The following AKT3 variants were observed in gnomAD, a reference collection of about 807,000 sequenced individuals.
The protein encoded by AKT3 is RAC-gamma serine/threonine-protein kinase.
AKT3 carries 15 observed loss-of-function variants against 65.3 expected under a neutral mutation model. That is an observed-to-expected ratio of 0.23 (90% CI 0.15 to 0.35). The LOEUF is 0.35. AKT3 is among the 10% of genes least tolerant of loss of function. The pLI, the probability that AKT3 is intolerant of heterozygous loss-of-function variation, is 1.00. For missense variants in AKT3, 243 were observed against 576.5 expected (o/e 0.42, Z 5.92); for synonymous variants, 206 against 183.8 (o/e 1.12, Z -0.98).
intron 13 of AKT3, among the ~76,000 whole-genome samples, chr1:243,509,671 T>C (rs1669900315): frequency 6.6e-6 from 1 of 151,684 alleles, no homozygotes; most frequent in South Asian, 2.1e-4. Context: ...GGGCCTATCA[T>C]CCCCCTAAAT....
chr1:243,812,730 T>C (rs949487192), intron 2 of AKT3, among the ~76,000 whole-genome samples: 8 of 152,080 alleles, frequency 5.3e-5, no homozygotes, highest in Non-Finnish European at 1.0e-4. Flanking sequence ...CGTATGTTTA[T>C]TGCGACACTA....
intron 11 of AKT3, among the ~76,000 whole-genome samples, chr1:243,549,177 T>G (rs1487975857): frequency 6.6e-6 from 1 of 152,198 alleles, no homozygotes; most frequent in East Asian, 1.9e-4. Flanking sequence ...TATTTCCAGC[T>G]GCTCACTTGA....
intron 2 of AKT3, among the ~76,000 whole-genome samples, chr1:243,770,567 A>G (rs534203216): frequency 6.6e-6 from 1 of 152,238 alleles, no homozygotes; most frequent in South Asian, 2.1e-4. Context: ...TGTAAGCTCA[A>G]TCAGAGTGGA....
chr1:243,515,781 G>A (rs1670312233), intron 12 of AKT3, among the ~76,000 whole-genome samples: 1 of 152,112 alleles, frequency 6.6e-6, no homozygotes, highest in African/African-American at 2.4e-5. Context: ...ACCAGGTCAG[G>A]AGATCAAGAC....
intron 9 of AKT3, among the ~76,000 whole-genome samples, chr1:243,565,693 G>A (rs1024269557): frequency 6.6e-6 from 1 of 152,022 alleles, no homozygotes; most frequent in African/African-American, 2.4e-5. Context: ...TTCTCTTTCT[G>A]CCTTGGTCTG....
intron 10 of AKT3, among the ~76,000 whole-genome samples, chr1:243,556,057 C>T (rs1423702718): frequency 6.6e-6 from 1 of 152,010 alleles, no homozygotes; most frequent in Non-Finnish European, 1.5e-5. Flanking sequence ...TGAGAGGTCA[C>T]ATCAAATGAA....
chr1:243,505,911 C>CA (rs1669637190), intron 13 of AKT3, among the ~76,000 whole-genome samples: 1 of 152,246 alleles, frequency 6.6e-6, no homozygotes, highest in Non-Finnish European at 1.5e-5. Context: ...AGGATGTCAA[C>CA]ATCTGAGTCC....
chr1:243,843,554 G>C (rs1375175191), intron 1 of AKT3: 34 of 1,038,006 alleles, frequency 3.3e-5, no homozygotes, highest in Non-Finnish European at 3.9e-5. Flanking sequence ...CCAAATAATA[G>C]AGAAAATTTG....
chr1:243,828,594 G>A (rs1449839027), intron 2 of AKT3, among the ~76,000 whole-genome samples: 1 of 152,092 alleles, frequency 6.6e-6, no homozygotes, highest in African/African-American at 2.4e-5. Context: ...AGACCTTTAT[G>A]ATGATCCACT....
intron 8 of AKT3, among the ~76,000 whole-genome samples, chr1:243,599,722 A>C (rs1032130393): frequency 2.0e-5 from 3 of 152,162 alleles, no homozygotes; most frequent in Admixed American, 1.3e-4. Flanking sequence ...TACAGCTAAC[A>C]ACATGGTTAA....
intron 2 of AKT3, among the ~76,000 whole-genome samples, chr1:243,724,756 G>C (rs1687108807): frequency 6.6e-6 from 1 of 152,018 alleles, no homozygotes; most frequent in African/African-American, 2.4e-5. Context: ...TCTCCTGGGA[G>C]AAAAAACTGA....
chr1:243,561,608 C>T (rs182249562), intron 10 of AKT3, among the ~76,000 whole-genome samples: 1 of 152,248 alleles, frequency 6.6e-6, no homozygotes, highest in Admixed American at 6.6e-5. Context: ...AGCTGTAATG[C>T]ACTTACACAG....
At chr1:243,846,727 G>C (rs1463593244) in intron 1 of AKT3, among the ~76,000 whole-genome samples, 1 of 152,126 alleles carries the variant, frequency 6.6e-6, no homozygotes, top group Non-Finnish European at 1.5e-5. Flanking sequence ...GGAAATTATT[G>C]TACCAAATTT....
chr1:243,596,820 C>A (rs948279027), intron 8 of AKT3, among the ~76,000 whole-genome samples: 1 of 152,084 alleles, frequency 6.6e-6, no homozygotes, highest in Non-Finnish European at 1.5e-5. Context: ...GAGAGATTAA[C>A]AAATGGTGGT....
chr1:243,669,771 ATAAT>A (rs757237818), intron 3 of AKT3, among the ~76,000 whole-genome samples: 2 of 152,216 alleles, frequency 1.3e-5, no homozygotes, highest in Admixed American at 6.5e-5. Flanking sequence ...AGATATTACT[ATAAT>A]TACCATTCTC....
intron 3 of AKT3, among the ~76,000 whole-genome samples, chr1:243,667,010 G>C (rs1447452966): frequency 6.6e-6 from 1 of 152,134 alleles, no homozygotes; most frequent in Non-Finnish European, 1.5e-5. Context: ...TGCTGCTGCT[G>C]CCCAGCATCA....
intron 13 of AKT3, among the ~76,000 whole-genome samples, chr1:243,491,953 G>A (rs1379450766): frequency 1.3e-5 from 2 of 152,178 alleles, no homozygotes; most frequent in African/African-American, 4.8e-5. Flanking sequence ...TTAATACCCA[G>A]AAGAGAATGG....
intron 4 of AKT3, among the ~76,000 whole-genome samples, chr1:243,659,769 G>C (rs575627287): frequency 1.4e-4 from 21 of 152,206 alleles, no homozygotes; most frequent in Admixed American, 2.6e-4. Flanking sequence ...GTTTATGACA[G>C]GTAAAAATTT....
chr1:243,746,746 G>T (rs964057183), intron 2 of AKT3, among the ~76,000 whole-genome samples: 1 of 152,158 alleles, frequency 6.6e-6, no homozygotes, highest in Non-Finnish European at 1.5e-5. Flanking sequence ...GAGAGAGAAC[G>T]AATCTTTCCC....
Sources: allele counts gnomAD v4.1 joint callset (sites outside exome capture counted in the v4.1 genomes callset), GRCh38; gene constraint gnomAD v4.1.1; transcripts MANE v1.5; gene names NCBI Gene and HGNC (gene_info 2026-07-23, HGNC 2026-07-21).